Variants in RABL3 observed in about 807,000 individuals in gnomAD.
The protein encoded by RABL3 is rab-like protein 3.
Under a neutral mutation model 31.8 loss-of-function variants are expected in RABL3, and 31 were observed. The ratio of observed to expected loss-of-function variants is 0.97; its 90% CI spans 0.73 to 1.31. The LOEUF (loss-of-function observed/expected upper bound fraction) is 1.31, where lower values mean the gene tolerates loss of function less well. RABL3 is among the 40% of genes most tolerant of loss of function. The pLI is 0.00. For missense variants in RABL3, 263 were observed against 279.6 expected (o/e 0.94, Z 0.42); for synonymous variants, 97 against 99.9 (o/e 0.97, Z 0.18).
intron 5 of RABL3, among the ~76,000 whole-genome samples, 180 bp from the exon 6 acceptor site, chr3:120,694,404 T>A (rs560276672): frequency 6.6e-6 from 1 of 152,232 alleles, no homozygotes; most frequent in South Asian, 2.1e-4. Flanking sequence ...TAAAGGAAAA[T>A]AAGGTCACTT....
At chr3:120,731,320 G>A (rs1218730613) in intron 1 of RABL3, among the ~76,000 whole-genome samples, 1 of 151,924 alleles carries the variant, frequency 6.6e-6, no homozygotes, top group East Asian at 1.9e-4. Context: ...TCAGTGAGAG[G>A]GATTCACCAT....
intron 4 of RABL3, among the ~76,000 whole-genome samples, chr3:120,701,151 A>C (rs1420147609): frequency 1.3e-5 from 2 of 152,146 alleles, no homozygotes; most frequent in Non-Finnish European, 2.9e-5. Context: ...TACGATATAT[A>C]TTCTCTGCAT....
intron 3 of RABL3, among the ~76,000 whole-genome samples, chr3:120,709,519 T>C (rs1437306335): frequency 6.6e-6 from 1 of 152,102 alleles, no homozygotes; most frequent in Non-Finnish European, 1.5e-5. Context: ...TTATGTCAAG[T>C]ACCAAAAATA....
chr3:120,706,202 A>G lies in RABL3; in HGVS notation c.269-88T>C, dbSNP rs528010243. 38 of 788,856 alleles carry G rather than the reference A, an allele frequency of 4.8e-5. 1 individual carries two copies. The South Asian group carries it at 5.1e-4, about 11-fold the overall frequency. 48.9% of individuals were successfully genotyped at this position (788,856 alleles called of 1,614,324 possible). On this transcript the variant is annotated intron_variant, in intron 3 of 7. Coordinates refer to ENST00000273375, the MANE Select transcript of RABL3 (RefSeq NM_173825.5). ...CAAATGAAGCTTAGTAAACAGAAGC[A>G]TTAGGTTGCTTAATGAATCTAGCAT...
chr3:120,707,647 T>C (rs1708563984), intron 3 of RABL3, among the ~76,000 whole-genome samples: 1 of 152,096 alleles, frequency 6.6e-6, no homozygotes, highest in African/African-American at 2.4e-5. Flanking sequence ...AACTGGCATA[T>C]ATTTTCTCCC....
At chr3:120,737,027 A>C (rs928816216) in intron 1 of RABL3, among the ~76,000 whole-genome samples, 7 of 152,242 alleles carry the variant, frequency 4.6e-5, no homozygotes, top group South Asian at 4.1e-4. Flanking sequence ...CTTGAGGAGT[A>C]TCTTTGTGGC....
chr3:120,698,711 C>T (rs1213096821), intron 4 of RABL3, 138 bp from the exon 5 acceptor site: 3 of 669,494 alleles, frequency 4.5e-6, no homozygotes, highest in East Asian at 2.7e-5. Flanking sequence ...ACCTACTTTC[C>T]TTCCAACTTC....
At chr3:120,724,482 C>G (rs4501055) in intron 2 of RABL3, among the ~76,000 whole-genome samples, 30,557 of 152,150 alleles carry the variant, frequency 0.2, 3,566 homozygotes, top group East Asian at 0.36. Context: ...AAAAAGAGCC[C>G]ACATTGCCAA....
At chr3:120,719,973 C>T (rs2107588188) in intron 2 of RABL3, among the ~76,000 whole-genome samples, 2 of 152,316 alleles carry the variant, frequency 1.3e-5, no homozygotes, top group Middle Eastern at 6.8e-3. Context: ...GCCAGGTACT[C>T]CTCTGAGACA....
At chr3:120,735,824 G>C (rs984173084) in intron 1 of RABL3, among the ~76,000 whole-genome samples, 1 of 152,156 alleles carries the variant, frequency 6.6e-6, no homozygotes, top group Non-Finnish European at 1.5e-5. Flanking sequence ...TTCAGGAGTA[G>C]GTTGTTCAGT....
rs1411803377 is a variant in RABL3 at position 120,687,770 on chromosome 3, T to TATTA, written c.*2049_*2052dup. ...GGAGTCATCAGCAATAGTTTACTTT[T>TATTA]ATTATTTATTTATATATTTATATAT... On this transcript the variant is annotated 3_prime_UTR_variant, in exon 8 of 8. Transcript: ENST00000273375. The TATTA allele has an allele frequency of 6.6e-6, 1 of 151,116 alleles. No individual in the cohort carries two copies. The highest frequency in any genetic ancestry group is 2.4e-5 in the African/African-American group (1 of 41,338). The allele number at this position is 151,116 out of a possible 1,614,324, so 9.4% of individuals were successfully genotyped here.
chr3:120,738,891 T>C (rs1709005075), intron 1 of RABL3, among the ~76,000 whole-genome samples: 1 of 152,220 alleles, frequency 6.6e-6, no homozygotes. Context: ...ATTAAAATTA[T>C]GTCCTTAGTA....
At chr3:120,733,312 A>G (rs1708910668) in intron 1 of RABL3, among the ~76,000 whole-genome samples, 1 of 152,172 alleles carries the variant, frequency 6.6e-6, no homozygotes, top group Admixed American at 6.5e-5. Context: ...TCTGATGGCC[A>G]GTGATGATGA....
At chr3:120,697,006 T>C (rs1708444649) in intron 5 of RABL3, among the ~76,000 whole-genome samples, 2 of 152,212 alleles carry the variant, frequency 1.3e-5, no homozygotes, top group Admixed American at 6.5e-5. Context: ...AATAAAGGCA[T>C]CAGAAGCACC....
At chr3:120,736,450 C>A (rs557994846) in intron 1 of RABL3, among the ~76,000 whole-genome samples, 5 of 152,254 alleles carry the variant, frequency 3.3e-5, no homozygotes, top group South Asian at 2.1e-4. Context: ...TGTACATGAG[C>A]TGGGTCTCCT....
chr3:120,706,450 T>C (rs933312937), intron 3 of RABL3, among the ~76,000 whole-genome samples: 1 of 151,948 alleles, frequency 6.6e-6, no homozygotes, highest in Non-Finnish European at 1.5e-5. Context: ...ATCAAGAGAA[T>C]CAAAACTACT....
At chr3:120,730,886 A>C in intron 1 of RABL3, 99 bp from the exon 2 acceptor site, 1 of 788,736 alleles carries the variant, frequency 1.3e-6, no homozygotes, top group South Asian at 1.5e-5. Flanking sequence ...TGTTAAGTAA[A>C]GCATAGTTGT....
At chr3:120,705,092 A>C (rs1292016111) in intron 4 of RABL3, among the ~76,000 whole-genome samples, 2 of 152,208 alleles carry the variant, frequency 1.3e-5, no homozygotes, top group Non-Finnish European at 2.9e-5. Context: ...ATTTTGGTAT[A>C]AATCTAATAA....
At position 120,686,700 on chromosome 3, in the gene RABL3, C is replaced by T; in HGVS notation, c.*3123G>A. On this transcript the variant is annotated 3_prime_UTR_variant, in exon 8 of 8. Transcript: ENST00000273375. The stretch of plus-strand genomic sequence containing the variant: ...GACAGATTATTGAGAAAAGCACACA[C>T]ATTTATTTACTGTAAGTTTTACATG... 6.6e-6 allele frequency: 1 copy of T among 152,160 alleles called. No individual in the cohort carries two copies. Among genetic ancestry groups the T allele is most frequent in the Admixed American group, 6.5e-5 (1 of 15,268 alleles). 9.4% of individuals were successfully genotyped at this position (152,160 alleles called of 1,614,324 possible). A position where few individuals can be genotyped will look rare whatever the true frequency, so the allele number is the denominator to read the frequency against.
Sources: gnomAD v4.1 joint callset for allele counts (sites outside exome capture counted in the v4.1 genomes callset) on GRCh38, gnomAD v4.1.1 for gene constraint, MANE v1.5 for transcripts, NCBI Gene and HGNC (gene_info 2026-07-23, HGNC 2026-07-21) for gene names.